The following RAB8B variants were observed in gnomAD, a reference collection of about 807,000 sequenced individuals.
RAB8B encodes the protein ras-related protein Rab-8B.
Under a neutral mutation model 32.0 loss-of-function variants are expected in RAB8B, and 11 were observed. That is an observed-to-expected ratio of 0.34 (90% CI 0.22 to 0.57). The LOEUF (loss-of-function observed/expected upper bound fraction) is 0.57. Ranked by LOEUF, RAB8B falls within the 20% of genes least tolerant of loss-of-function variation. The probability of loss-of-function intolerance (pLI) is 0.86; values close to 1 mark genes in which losing one functional copy is unlikely to be tolerated. For missense variants in RAB8B, 190 were observed against 258.5 expected, an observed-to-expected ratio of 0.73 and a Z score of 1.82; for synonymous variants, 103 against 89.6, an observed-to-expected ratio of 1.15 and a Z score of -0.85.
chr15:63,197,626 G>T (rs1464018497), intron 1 of RAB8B, among the ~76,000 whole-genome samples: 1 of 151,816 alleles, frequency 6.6e-6, no homozygotes, highest in Non-Finnish European at 1.5e-5. Context: ...TGTCTGCCTC[G>T]GCCTCCCAAA....
chr15:63,200,428 T>C (rs2037637836), intron 1 of RAB8B, among the ~76,000 whole-genome samples: 2 of 152,190 alleles, frequency 1.3e-5, no homozygotes, highest in South Asian at 4.1e-4. Context: ...TTATTGAAAA[T>C]TGTAAAAGTA....
intron 1 of RAB8B, among the ~76,000 whole-genome samples, chr15:63,220,528 A>G (rs1441419347): frequency 2.6e-5 from 4 of 152,154 alleles, no homozygotes; most frequent in Admixed American, 6.5e-5. Context: ...CACTGCACAT[A>G]TAAGAGTAAG....
In RAB8B at chr15:63,267,747, A is replaced by G. The variant is rs2038260349; in HGVS notation, c.*4128A>G. 6.6e-6 allele frequency: 1 copy of G among 152,164 alleles called. No homozygotes were observed. The highest frequency in any genetic ancestry group is 2.4e-5 in the African/African-American group (1 of 41,426). The allele number at this position is 152,164 out of a possible 1,614,324, so 9.4% of individuals were successfully genotyped here. A position where few individuals can be genotyped will look rare whatever the true frequency, so the allele number is the denominator to read the frequency against. On this transcript the variant is annotated 3_prime_UTR_variant, in exon 8 of 8. Coordinates refer to ENST00000321437, the MANE Select transcript of RAB8B (RefSeq NM_016530.3). ...TTTTTTTTTATAATAATGTTCGTCT[A>G]AAATAAAAACTACATAATGAAAATG...
At position 63,206,131 on chromosome 15, in the gene RAB8B, AC is replaced by A. The variant is rs547710481; in HGVS notation, c.124+16384del. On this transcript the variant is annotated intron_variant, in intron 1 of 7. Coordinates refer to ENST00000321437, the MANE Select transcript of RAB8B (RefSeq NM_016530.3). ...ATATCTCTTTTATTAGCACATACAT[AC>A]GTTTCAAAGGATGTGTAATTATCAC... Among the ~76,000 whole-genome samples the A allele has an allele frequency of 2.6e-4, 40 of 152,324 alleles. No homozygotes were observed. The South Asian group carries it at 8.3e-3, about 32-fold the overall frequency.
chr15:63,222,963 G>A, intron 1 of RAB8B: 1 of 435,588 alleles, frequency 2.3e-6, no homozygotes, highest in Admixed American at 2.7e-5. Flanking sequence ...GGTGTATAGT[G>A]TTTATAGAGT....
chr15:63,212,834 G>A (rs528020379), intron 1 of RAB8B, among the ~76,000 whole-genome samples: 4 of 152,300 alleles, frequency 2.6e-5, no homozygotes, highest in South Asian at 2.1e-4. Flanking sequence ...ACAGATGTCC[G>A]TATGTGATTA....
At chr15:63,198,797 T>A (rs1001702931) in intron 1 of RAB8B, among the ~76,000 whole-genome samples, 1 of 152,244 alleles carries the variant, frequency 6.6e-6, no homozygotes, top group Non-Finnish European at 1.5e-5. Flanking sequence ...AAAGTTGAAT[T>A]GTAAATTCGT....
At chr15:63,208,855 G>A (rs1254608534) in intron 1 of RAB8B, among the ~76,000 whole-genome samples, 2 of 149,574 alleles carry the variant, frequency 1.3e-5, no homozygotes, top group South Asian at 2.1e-4. Context: ...AAGTAGAACC[G>A]TCTTCCTTTG....
intron 1 of RAB8B, among the ~76,000 whole-genome samples, chr15:63,197,018 A>G (rs1286947487): frequency 6.6e-6 from 1 of 152,162 alleles, no homozygotes; most frequent in Non-Finnish European, 1.5e-5. Flanking sequence ...GCCTGTTAAC[A>G]GTTTCATGCC....
intron 6 of RAB8B, among the ~76,000 whole-genome samples, chr15:63,261,659 T>C (rs930528107): frequency 6.6e-6 from 1 of 152,218 alleles, no homozygotes; most frequent in Non-Finnish European, 1.5e-5. Flanking sequence ...GTTAGGCTCA[T>C]AGGTGACAAG....
At chr15:63,246,760 C>T (rs1006200847) in intron 2 of RAB8B, among the ~76,000 whole-genome samples, 1 of 152,274 alleles carries the variant, frequency 6.6e-6, no homozygotes, top group African/African-American at 2.4e-5. Flanking sequence ...CTCCAGAGGT[C>T]GAATGGTAGG....
At chr15:63,237,799 A>T (rs939254794) in intron 1 of RAB8B, among the ~76,000 whole-genome samples, 2 of 152,164 alleles carry the variant, frequency 1.3e-5, no homozygotes, top group Non-Finnish European at 2.9e-5. Context: ...TACTGTAGAA[A>T]TATTTGCCCA....
intron 1 of RAB8B, among the ~76,000 whole-genome samples, chr15:63,202,089 TAAAAAAAAAAAAA>T (rs146981058): frequency 1.4e-3 from 123 of 85,744 alleles, no homozygotes; most frequent in African/African-American, 3.3e-3. Flanking sequence ...CCGTCTCTAC[TAAAAAAAAAAAAA>T]AAAAAAAAAA....
chr15:63,202,639 C>T (rs1282593561), intron 1 of RAB8B, among the ~76,000 whole-genome samples: 1 of 152,216 alleles, frequency 6.6e-6, no homozygotes. Context: ...TGCTGTTGGC[C>T]TTAGACTACT....
intron 1 of RAB8B, among the ~76,000 whole-genome samples, chr15:63,241,542 G>A (rs1445220078): frequency 6.6e-6 from 1 of 152,076 alleles, no homozygotes; most frequent in Non-Finnish European, 1.5e-5. Flanking sequence ...TTCACACTGT[G>A]GTGCAACTGA....
At chr15:63,190,326 T>TGAGA (rs2141102443) in intron 1 of RAB8B, among the ~76,000 whole-genome samples, 1 of 151,870 alleles carries the variant, frequency 6.6e-6, no homozygotes, top group Admixed American at 6.6e-5. Context: ...AGGTCTGGAC[T>TGAGA]GAGATGTCGT....
intron 1 of RAB8B, among the ~76,000 whole-genome samples, chr15:63,212,682 A>G (rs924736070): frequency 1.3e-5 from 2 of 152,216 alleles, no homozygotes; most frequent in Non-Finnish European, 1.5e-5. Context: ...CGTGATGAGG[A>G]GACAGCCTCT....
intron 1 of RAB8B, among the ~76,000 whole-genome samples, chr15:63,197,884 G>A (rs1411781169): frequency 2.0e-5 from 3 of 152,022 alleles, no homozygotes; most frequent in African/African-American, 7.2e-5. Flanking sequence ...GAAAGAGAGG[G>A]AGGGCGGCAA....
At chr15:63,224,443 T>C (rs1197350763) in intron 1 of RAB8B, among the ~76,000 whole-genome samples, 1 of 152,180 alleles carries the variant, frequency 6.6e-6, no homozygotes, top group East Asian at 1.9e-4. Flanking sequence ...CCCTGTCACA[T>C]AGGCTAACAT....
Sources: allele counts gnomAD v4.1 joint callset (sites outside exome capture counted in the v4.1 genomes callset), GRCh38; gene constraint gnomAD v4.1.1; transcripts MANE v1.5; gene names NCBI Gene and HGNC (gene_info 2026-07-23, HGNC 2026-07-21).